ZBTB20: variants seen among roughly 807,000 people sequenced by gnomAD.
ZBTB20 encodes the protein zinc finger and BTB domain-containing protein 20.
In ZBTB20, 9 loss-of-function variants were observed where a neutral mutation model predicts 56.9. The observed-to-expected ratio is 0.16, with a 90% CI of 0.10 to 0.28. The LOEUF (loss-of-function observed/expected upper bound fraction) is 0.28, where lower values mean the gene tolerates loss of function less well. Ranked by LOEUF, ZBTB20 falls within the 10% of genes least tolerant of loss-of-function variation. The pLI, the probability that ZBTB20 is intolerant of heterozygous loss-of-function variation, is 1.00. For missense variants in ZBTB20, 655 were observed against 1,003.0 expected (o/e 0.65, Z 4.69); for synonymous variants, 417 against 420.7 (o/e 0.99, Z 0.11).
intron 6 of ZBTB20, among the ~76,000 whole-genome samples, chr3:114,635,198 A>C (rs924487975): frequency 6.6e-6 from 1 of 152,200 alleles, no homozygotes; most frequent in East Asian, 1.9e-4. Context: ...ATAAGAAAAA[A>C]ACATAGAACC....
At chr3:115,028,482 T>A (rs1325762912) in intron 2 of ZBTB20, among the ~76,000 whole-genome samples, 1 of 150,738 alleles carries the variant, frequency 6.6e-6, no homozygotes, top group Non-Finnish European at 1.5e-5. Flanking sequence ...ATTATTAAAA[T>A]TAACTTCATC....
chr3:114,744,849 C>T lies in ZBTB20; in HGVS notation c.-342-51274G>A, dbSNP rs530110961. Reference sequence around the variant, plus strand: ...CTTTAAAAGGCATTATATAGAAAAACACCCATCTGTCCTAGTGCAATGGTG... The same window carrying T: ...CTTTAAAAGGCATTATATAGAAAAATACCCATCTGTCCTAGTGCAATGGTG... On this transcript the variant is annotated intron_variant, in intron 5 of 11. Coordinates refer to ENST00000675478, the MANE Select transcript of ZBTB20 (RefSeq NM_001348800.3). Among the ~76,000 whole-genome samples, 7 of 152,078 alleles carry T rather than the reference C, an allele frequency of 4.6e-5. No individual in the cohort carries two copies. The East Asian group carries it at 1.4e-3, about 29-fold the overall frequency.
At chr3:114,422,137 G>A (rs537100167) in intron 7 of ZBTB20, among the ~76,000 whole-genome samples, 18 of 152,096 alleles carry the variant, frequency 1.2e-4, no homozygotes, top group Non-Finnish European at 2.4e-4. Flanking sequence ...GCATGATAGA[G>A]GGTAAAATGA....
In ZBTB20 at chr3:114,336,540, C is replaced by T. The variant is rs2079459676; in HGVS notation, c.*2465G>A. On this transcript the variant is annotated 3_prime_UTR_variant, in exon 12 of 12. Transcript: ENST00000675478. ...ACATTAAAACTTCTAGCAAAATATCCACTGAATTAAGCACTGTGGGACCAA... is the reference window on the plus strand; with the variant it reads ...ACATTAAAACTTCTAGCAAAATATCTACTGAATTAAGCACTGTGGGACCAA... The T allele has an allele frequency of 6.6e-6, 1 of 152,114 alleles. No individual in the cohort carries two copies. The highest frequency in any genetic ancestry group is 2.4e-5 in the African/African-American group (1 of 41,428). The allele number at this position is 152,114 out of a possible 1,614,324, so 9.4% of individuals were successfully genotyped here. A position where few individuals can be genotyped will look rare whatever the true frequency, so the allele number is the denominator to read the frequency against.
At chr3:114,773,838 A>G (rs2069394857) in intron 5 of ZBTB20, among the ~76,000 whole-genome samples, 2 of 152,194 alleles carry the variant, frequency 1.3e-5, no homozygotes, top group Non-Finnish European at 2.9e-5. Context: ...TTATAATCAT[A>G]CCTTTAAAGG....
chr3:114,518,877 G>A (rs565684968), intron 6 of ZBTB20: 59 of 152,330 alleles, frequency 3.9e-4, no homozygotes, highest in African/African-American at 1.3e-3. Context: ...TTAGAGGGTA[G>A]ATGCCAGGGA....
At chr3:114,477,059 T>C (rs2040855449) in intron 7 of ZBTB20, among the ~76,000 whole-genome samples, 1 of 152,194 alleles carries the variant, frequency 6.6e-6, no homozygotes, top group South Asian at 2.1e-4. Context: ...AGAACACTGT[T>C]AGTGTGCAAT....
At chr3:114,656,952 A>AT (rs2060443559) in intron 6 of ZBTB20, among the ~76,000 whole-genome samples, 1 of 152,074 alleles carries the variant, frequency 6.6e-6, no homozygotes, top group Admixed American at 6.6e-5. Flanking sequence ...CTGAAAACAT[A>AT]TTTTTTTAAA....
At chr3:114,493,486 T>A (rs970713124) in intron 7 of ZBTB20, among the ~76,000 whole-genome samples, 3 of 152,144 alleles carry the variant, frequency 2.0e-5, no homozygotes, top group African/African-American at 7.2e-5. Flanking sequence ...AACACAAAAA[T>A]CCTTAACATG....
At chr3:115,082,211 C>T (rs2082821531) in intron 1 of ZBTB20, among the ~76,000 whole-genome samples, 1 of 152,158 alleles carries the variant, frequency 6.6e-6, no homozygotes, top group African/African-American at 2.4e-5. Context: ...CAATCACAAA[C>T]AAGTTCTAAA....
At chr3:114,837,130 A>G (rs1397158848) in intron 4 of ZBTB20, among the ~76,000 whole-genome samples, 2 of 152,152 alleles carry the variant, frequency 1.3e-5, no homozygotes, top group African/African-American at 2.4e-5. Flanking sequence ...TCGTAGCTCA[A>G]ATATTATCTC....
intron 7 of ZBTB20, among the ~76,000 whole-genome samples, chr3:114,428,164 C>T (rs532049606): frequency 2.8e-4 from 42 of 152,238 alleles, no homozygotes; most frequent in African/African-American, 9.9e-4. Context: ...CCATACCCCC[C>T]AACAAAGTAC....
chr3:114,372,933 C>T lies in ZBTB20; in HGVS notation c.199+7284G>A, dbSNP rs530520006. Among the ~76,000 whole-genome samples the T allele has an allele frequency of 7.8e-4, 117 of 150,602 alleles. 1 individual carries two copies. The highest frequency in any genetic ancestry group is 7.4e-5 in the Non-Finnish European group (5 of 67,528). On this transcript the variant is annotated intron_variant, in intron 10 of 11. Coordinates refer to ENST00000675478, the MANE Select transcript of ZBTB20 (RefSeq NM_001348800.3). The stretch of plus-strand genomic sequence containing the variant: ...CCTTCAGAATACTTTCTTTTTTTTT[C>T]CTGAGATGCAGTCTTGCTCTGTCAC...
intron 6 of ZBTB20, among the ~76,000 whole-genome samples, chr3:114,641,684 T>A (rs999151503): frequency 3.3e-4 from 50 of 151,960 alleles, no homozygotes; most frequent in African/African-American, 1.2e-3. Flanking sequence ...GACATGTTCC[T>A]CTTTCTTTTT....
intron 7 of ZBTB20, among the ~76,000 whole-genome samples, chr3:114,474,827 C>A (rs142243052): frequency 6.6e-6 from 1 of 152,130 alleles, no homozygotes; most frequent in Non-Finnish European, 1.5e-5. Context: ...TCCCTCTGCC[C>A]CTGCCCTAGT....
intron 4 of ZBTB20, among the ~76,000 whole-genome samples, chr3:114,879,871 G>A (rs190188210): frequency 6.6e-6 from 1 of 152,060 alleles, no homozygotes; most frequent in Non-Finnish European, 1.5e-5. Context: ...ATGTTACCAC[G>A]GTGACAAAGT....
intron 10 of ZBTB20, among the ~76,000 whole-genome samples, chr3:114,362,730 G>A (rs2082020059): frequency 6.6e-6 from 1 of 152,072 alleles, no homozygotes; most frequent in Non-Finnish European, 1.5e-5. Flanking sequence ...GGGTCCCCCT[G>A]TCAACAGAGG....
At chr3:114,584,720 T>A (rs562430216) in intron 6 of ZBTB20, among the ~76,000 whole-genome samples, 2 of 152,272 alleles carry the variant, frequency 1.3e-5, no homozygotes, top group East Asian at 3.9e-4. Flanking sequence ...TGGCAAGAAA[T>A]GTGGTTCTCA....
chr3:114,607,917 T>C (rs2057291136), intron 6 of ZBTB20, among the ~76,000 whole-genome samples: 2 of 152,208 alleles, frequency 1.3e-5, no homozygotes, highest in South Asian at 4.1e-4. Context: ...CGTAACAATG[T>C]ACAGCTAGTA....
Sources: allele counts gnomAD v4.1 joint callset (sites outside exome capture counted in the v4.1 genomes callset), GRCh38; gene constraint gnomAD v4.1.1; transcripts MANE v1.5; gene names NCBI Gene and HGNC (gene_info 2026-07-23, HGNC 2026-07-21).